Variants in STAMBP observed in about 807,000 individuals in gnomAD.
STAMBP encodes STAM-binding protein.
STAMBP carries 31 observed loss-of-function variants against 50.7 expected under a neutral mutation model. The observed-to-expected ratio is 0.61, with a 90% confidence interval of 0.46 to 0.83. The LOEUF (loss-of-function observed/expected upper bound fraction) is 0.83. Ranked by LOEUF, STAMBP falls within the 40% of genes least tolerant of loss-of-function variation. STAMBP has a pLI of 0.00. For synonymous variants in STAMBP, 211 were observed against 192.4 expected, an observed-to-expected ratio of 1.10 and a Z score of -0.80; for missense variants, 472 against 518.9, an observed-to-expected ratio of 0.91 and a Z score of 0.88.
chr2:73,830,876 T>G lies in STAMBP; in HGVS notation c.20T>G (p.Val7Gly), dbSNP rs1425760689. 2 of 1,613,316 alleles carry G rather than the reference T, an allele frequency of 1.2e-6. No homozygotes were observed. The highest frequency in any genetic ancestry group is 3.3e-5 in the Admixed American group (2 of 60,022). MSDHGD[V>G]SLPPEDRVRA... ...GTCCTGATGTCTGACCATGGAGATGTGAGCCTCCCGCCCGAAGACCGGGTG... is the reference window on the plus strand; with the variant it reads ...GTCCTGATGTCTGACCATGGAGATGGGAGCCTCCCGCCCGAAGACCGGGTG... The change falls in exon 2 of 10, where the codon GTG (valine) becomes GGG (glycine). Residue 7 changes from valine (V) to glycine (G), a missense_variant. Coordinates refer to ENST00000394070, the MANE Select transcript of STAMBP (RefSeq NM_213622.4).
downstream of STAMBP, among the ~76,000 whole-genome samples, chr2:73,871,473 G>A (rs1008956745): frequency 4.6e-5 from 7 of 151,718 alleles, no homozygotes; most frequent in Admixed American, 6.6e-5. Context: ...ACTTGAACCC[G>A]GGAGGCAGAG....
In STAMBP at chr2:73,842,852, C is replaced by T. The variant is rs550228587; in HGVS notation, c.204-1961C>T. ...GGCTTCCAAGGAGTATACAAAGAAG[C>T]ATGAAACACAGAAATCTCTGGCCTC... is the stretch of plus-strand genomic sequence containing the variant. On this transcript the variant is annotated intron_variant, in intron 2 of 9. Transcript: ENST00000394070. 1.1e-3 allele frequency among the ~76,000 whole-genome samples: 173 copies of T among 152,284 alleles called. 1 individual carries two copies. The highest frequency in any genetic ancestry group is 4.0e-3 in the African/African-American group (165 of 41,558).
rs1006072205 is a variant in STAMBP at position 73,832,108 on chromosome 2, T to TATATATATATATATGTATAC, written c.203+1050_203+1051insTATATATATATATGTATACA. On this transcript the variant is annotated intron_variant, in intron 2 of 9. Coordinates refer to ENST00000394070, the MANE Select transcript of STAMBP (RefSeq NM_213622.4). ...ACATATATATATATATATATATATA[T>TATATATATATATATGTATAC]ACACATATATATGGTGCACAATTCA... Among the ~76,000 whole-genome samples, 202 of 122,882 alleles carry TATATATATATATATGTATAC rather than the reference T, an allele frequency of 1.6e-3. 1 individual carries two copies. Among genetic ancestry groups the TATATATATATATATGTATAC allele is most frequent in the South Asian group, 4.4e-3 (18 of 4,068 alleles). The allele number at this position is 122,882 out of a possible 152,430, so 80.6% of individuals were successfully genotyped here. A position where few individuals can be genotyped will look rare whatever the true frequency, so the allele number is the denominator to read the frequency against.
Position 73,861,665 on chromosome 2 carries a change from C to T in STAMBP, c.1219-538C>T, listed in dbSNP as rs371171576. Among the ~76,000 whole-genome samples the T allele has an allele frequency of 1.2e-4, 18 of 150,154 alleles. No homozygotes were observed. The East Asian group carries it at 1.4e-3, about 11-fold the overall frequency. On this transcript the variant is annotated intron_variant, in intron 9 of 9. Transcript: ENST00000394070. ...TCTCGAGTAGCTGGGACTACAGGTG[C>T]GCGCCGCCACACCGGGTTAAATTTT...
chr2:73,840,471 C>T (rs143090427), intron 2 of STAMBP, among the ~76,000 whole-genome samples: 153 of 151,870 alleles, frequency 1.0e-3, no homozygotes, highest in African/African-American at 3.4e-3. Flanking sequence ...AAGTTGGATG[C>T]GGTGGCTCAC....
downstream of STAMBP, among the ~76,000 whole-genome samples, chr2:73,870,614 G>T (rs1287045637): frequency 2.0e-5 from 3 of 152,132 alleles, no homozygotes; most frequent in African/African-American, 7.2e-5. Context: ...GGTTATTGGT[G>T]GGTGACAGAA....
chr2:73,862,309 TG>T lies in STAMBP; in HGVS notation c.*51del. On this transcript the variant is annotated 3_prime_UTR_variant, in exon 10 of 10. Coordinates refer to ENST00000394070, the MANE Select transcript of STAMBP (RefSeq NM_213622.4). ...GAACAACAAAACCATATCAGTGTAC[TG>T]TAGCCCCTTAATTTAAGCTTTCTAG... is the stretch of plus-strand genomic sequence containing the variant. 6.6e-7 allele frequency: 1 copy of T among 1,515,238 alleles called. No individual in the cohort carries two copies. The highest frequency in any genetic ancestry group is 1.3e-5 in the South Asian group (1 of 79,028). 93.9% of individuals were successfully genotyped at this position (1,515,238 alleles called of 1,614,324 possible).
chr2:73,837,606 AAAAAAAG>A (rs1294333907), intron 2 of STAMBP, among the ~76,000 whole-genome samples: 2 of 151,004 alleles, frequency 1.3e-5, no homozygotes, highest in African/African-American at 4.9e-5. Context: ...AAAAAAAAAA[AAAAAAAG>A]AACACATTAA....
In STAMBP at chr2:73,863,798, C is replaced by T. The variant is rs1678607120; in HGVS notation, c.*1539C>T. ...TCTTTGTCTACCACTTAGCTTAGGG[C>T]TTTCTTACCTTTTATTTCGACTGTA... is the stretch of plus-strand genomic sequence containing the variant. On this transcript the variant is annotated 3_prime_UTR_variant, in exon 10 of 10. Transcript: ENST00000394070. The T allele has an allele frequency of 6.6e-6, 1 of 152,248 alleles. No individual in the cohort carries two copies. Among genetic ancestry groups the T allele is most frequent in the Non-Finnish European group, 1.5e-5 (1 of 68,086 alleles). The allele number at this position is 152,248 out of a possible 1,614,324, so 9.4% of individuals were successfully genotyped here. A position where few individuals can be genotyped will look rare whatever the true frequency, so the allele number is the denominator to read the frequency against.
chr2:73,865,453 C>T lies in STAMBP; in HGVS notation c.*3194C>T, dbSNP rs763166333. 5.9e-5 allele frequency: 9 copies of T among 152,160 alleles called. No individual in the cohort carries two copies. The highest frequency in any genetic ancestry group is 1.3e-4 in the Non-Finnish European group (9 of 68,050). 9.4% of individuals were successfully genotyped at this position (152,160 alleles called of 1,614,324 possible). A position where few individuals can be genotyped will look rare whatever the true frequency, so the allele number is the denominator to read the frequency against. ...AGAGTAGAACTTCTGAGTCAAGGAT[C>T]ATGTCTTTTTCTGAGGAGCTTTGCT... On this transcript the variant is annotated 3_prime_UTR_variant, in exon 10 of 10. Transcript: ENST00000394070.
Position 73,862,434 on chromosome 2 carries a change from T to A in STAMBP, c.*175T>A. ...TTTGAAAAGAAATAACTGAACATAT[T>A]TTTTAGGCAAGTCAGAAAGAGAACA... On this transcript the variant is annotated 3_prime_UTR_variant, in exon 10 of 10. Transcript: ENST00000394070. The A allele has an allele frequency of 2.2e-6, 1 of 464,152 alleles. No homozygotes were observed. The highest frequency in any genetic ancestry group is 3.8e-6 in the Non-Finnish European group (1 of 265,804). 28.8% of individuals were successfully genotyped at this position (464,152 alleles called of 1,614,324 possible). A position where few individuals can be genotyped will look rare whatever the true frequency, so the allele number is the denominator to read the frequency against.
chr2:73,830,809 C>G, intron 1 of STAMBP, 36 bp from the exon 2 acceptor site: 4 of 1,542,772 alleles, frequency 2.6e-6, no homozygotes, highest in Non-Finnish European at 3.6e-6. Context: ...ATGATGAGGG[C>G]AACGGTATTG....
chr2:73,861,714 G>A (rs11885982), intron 9 of STAMBP, among the ~76,000 whole-genome samples: 9,117 of 148,156 alleles, frequency 0.062, 331 homozygotes, highest in African/African-American at 0.098. Context: ...TTTTTAGTAG[G>A]GTCAGGGTTT....
chr2:73,859,528 G>A (rs907172476), intron 8 of STAMBP, among the ~76,000 whole-genome samples, 162 bp downstream of exon 8: 3 of 152,106 alleles, frequency 2.0e-5, no homozygotes, highest in African/African-American at 7.2e-5. Flanking sequence ...CCCATATCAT[G>A]ATTTATCTAT....
At position 73,847,598 on chromosome 2, in the gene STAMBP, T is replaced by C; in HGVS notation, c.587T>C (p.Leu196Pro). The C allele has an allele frequency of 6.2e-7, 1 of 1,614,216 alleles. No homozygotes were observed. Residue 196 changes from leucine to proline, a missense_variant, in exon 5 of 10, where the codon CTA becomes CCA. Physicochemically the swap from Leu to Pro is moderately conservative, Grantham distance 98. Coordinates refer to ENST00000394070, the MANE Select transcript of STAMBP (RefSeq NM_213622.4). ...GTAGACCCTGGCCTAGGTGGCCCGCTAGTGCCTGACTTGGAGAAGCCCTCC... is the reference window on the plus strand; with the variant it reads ...GTAGACCCTGGCCTAGGTGGCCCGCCAGTGCCTGACTTGGAGAAGCCCTCC... ...GKVDPGLGGP[L>P]VPDLEKPSLD...
intron 2 of STAMBP, among the ~76,000 whole-genome samples, chr2:73,840,757 T>A (rs1051273506): frequency 4.7e-5 from 7 of 149,274 alleles, no homozygotes; most frequent in South Asian, 4.3e-4. Context: ...AAAAAAAAAA[T>A]AAATAAATCA....
At chr2:73,870,824 T>C (rs551095247), downstream of STAMBP, among the ~76,000 whole-genome samples, 1 of 151,162 alleles carries the variant, frequency 6.6e-6, no homozygotes, top group African/African-American at 2.4e-5. Flanking sequence ...CTGTGCCACG[T>C]TGAACAGCTC....
intron 2 of STAMBP, among the ~76,000 whole-genome samples, chr2:73,843,433 T>TATATATATAA (rs1199940433): frequency 6.8e-6 from 1 of 146,818 alleles, no homozygotes; most frequent in African/African-American, 2.5e-5. Context: ...TATATATATA[T>TATATATATAA]AAATTAAAAA....
chr2:73,843,080 T>A (rs888261647), intron 2 of STAMBP, among the ~76,000 whole-genome samples: 3 of 152,140 alleles, frequency 2.0e-5, no homozygotes, highest in African/African-American at 7.2e-5. Context: ...CTCTAAAATA[T>A]AAGAAATATG....
Sources: allele counts gnomAD v4.1 joint callset (sites outside exome capture counted in the v4.1 genomes callset), GRCh38; gene constraint gnomAD v4.1.1; transcripts MANE v1.5; gene names NCBI Gene and HGNC (gene_info 2026-07-23, HGNC 2026-07-21).